The following CSMD1 variants were observed in gnomAD, a reference collection of about 807,000 sequenced individuals.
CSMD1 encodes CUB and sushi domain-containing protein 1.
Under a neutral mutation model 417.5 loss-of-function variants are expected in CSMD1, and 213 were observed. That is an observed-to-expected ratio of 0.51 (90% CI 0.46 to 0.57). The LOEUF is 0.57. CSMD1 is among the 20% of genes least tolerant of loss of function. The pLI is 0.00. For missense variants in CSMD1, 6,923 were observed against 4,529.7 expected (o/e 1.53, Z -15.17); for synonymous variants, 2,862 against 1,736.8 (o/e 1.65, Z -16.11).
intron 10 of CSMD1, among the ~76,000 whole-genome samples, 198 bp downstream of exon 10, chr8:3,574,747 G>A (rs548565101): frequency 1.3e-5 from 2 of 152,340 alleles, no homozygotes; most frequent in East Asian, 1.9e-4. Flanking sequence ...GCACCACAGT[G>A]AGAATACTCA....
At position 3,906,451 on chromosome 8, in the gene CSMD1, G is replaced by A. The variant is rs1214824302; in HGVS notation, c.818+91452C>T. ...TAATGTTTAATGCCTTAGAAATCAT[G>A]ATATGAATTCTGAAAAGACATAATG... On this transcript the variant is annotated intron_variant, in intron 5 of 69. Coordinates refer to ENST00000635120, the MANE Select transcript of CSMD1 (RefSeq NM_033225.6). Among the ~76,000 whole-genome samples the A allele has an allele frequency of 3.3e-5, 5 of 152,168 alleles. No homozygotes were observed. In the South Asian group the frequency reaches 1.0e-3, roughly 32 times the overall value.
At chr8:4,385,635 G>A (rs1803398319) in intron 3 of CSMD1, among the ~76,000 whole-genome samples, 1 of 152,194 alleles carries the variant, frequency 6.6e-6, no homozygotes, top group African/African-American at 2.4e-5. Flanking sequence ...AGTAACAGAT[G>A]CAAAGACAAT....
chr8:4,430,254 A>G (rs4478598), intron 2 of CSMD1, among the ~76,000 whole-genome samples: 116,380 of 151,720 alleles, frequency 0.77, 45,132 homozygotes, highest in Middle Eastern at 0.88. Context: ...CGGAGAAGAA[A>G]TTTTCTAAAA....
intron 3 of CSMD1, among the ~76,000 whole-genome samples, chr8:4,317,997 G>C (rs1435634544): frequency 6.6e-6 from 1 of 152,106 alleles, no homozygotes; most frequent in Non-Finnish European, 1.5e-5. Context: ...TAAATATTTG[G>C]ATATACAATT....
chr8:3,079,703 G>A (rs915866275), intron 49 of CSMD1, among the ~76,000 whole-genome samples: 10 of 152,124 alleles, frequency 6.6e-5, no homozygotes, highest in African/African-American at 2.4e-4. Context: ...TGCCCTCTCT[G>A]TGGGCAAACA....
intron 30 of CSMD1, among the ~76,000 whole-genome samples, chr8:3,212,438 T>C (rs10099386): frequency 0.32 from 49,260 of 152,028 alleles, 8,055 homozygotes; most frequent in African/African-American, 0.36. Context: ...AACCTTCACC[T>C]ACCAGGCTCC....
At chr8:4,108,822 C>G (rs1228671648) in intron 3 of CSMD1, among the ~76,000 whole-genome samples, 1 of 152,196 alleles carries the variant, frequency 6.6e-6, no homozygotes, top group Non-Finnish European at 1.5e-5. Flanking sequence ...ATGGCAAAGA[C>G]CAGCAGAGTT....
chr8:3,422,240 A>C (rs1813541372), intron 12 of CSMD1, among the ~76,000 whole-genome samples: 1 of 152,104 alleles, frequency 6.6e-6, no homozygotes, highest in Non-Finnish European at 1.5e-5. Flanking sequence ...GGCTGGACTC[A>C]CACTTAGCCA....
chr8:4,745,342 T>G (rs1022239399), intron 1 of CSMD1, among the ~76,000 whole-genome samples: 36 of 152,320 alleles, frequency 2.4e-4, no homozygotes, highest in African/African-American at 7.7e-4. Context: ...AAAGAAATGC[T>G]ATACAGTTTA....
At chr8:3,133,574 G>A (rs1237592720) in intron 41 of CSMD1, among the ~76,000 whole-genome samples, 1 of 152,186 alleles carries the variant, frequency 6.6e-6, no homozygotes, top group Non-Finnish European at 1.5e-5. Flanking sequence ...GGAATGAAGG[G>A]GTTCTGAGGA....
intron 2 of CSMD1, among the ~76,000 whole-genome samples, chr8:4,483,486 G>T (rs892520303): frequency 6.6e-6 from 1 of 152,126 alleles, no homozygotes; most frequent in African/African-American, 2.4e-5. Flanking sequence ...AATCGATAAA[G>T]CAATAATGTA....
chr8:3,505,681 T>C (rs1796794245), intron 10 of CSMD1, among the ~76,000 whole-genome samples: 2 of 152,158 alleles, frequency 1.3e-5, no homozygotes, highest in Admixed American at 6.5e-5. Context: ...AACAAAACCG[T>C]AGAGGTACTG....
chr8:3,364,273 T>G (rs13272021), intron 20 of CSMD1, among the ~76,000 whole-genome samples: 2 of 152,158 alleles, frequency 1.3e-5, no homozygotes, highest in Non-Finnish European at 2.9e-5. Flanking sequence ...ATTTGTTTAC[T>G]TTAAAGTCGA....
chr8:4,137,669 G>C (rs890184960), intron 3 of CSMD1, among the ~76,000 whole-genome samples: 1 of 130,926 alleles, frequency 7.6e-6, no homozygotes, highest in Non-Finnish European at 1.8e-5. Flanking sequence ...CATACTGAAA[G>C]TAACTTCTTA....
chr8:4,811,409 T>C (rs77540030), intron 1 of CSMD1, among the ~76,000 whole-genome samples: 3 of 152,270 alleles, frequency 2.0e-5, no homozygotes, highest in East Asian at 3.9e-4. Flanking sequence ...TAATGTATTA[T>C]GTTGAATCAT....
Position 2,938,698 on chromosome 8 carries a change from T to C in CSMD1, c.10582A>G (p.Ser3528Gly), listed in dbSNP as rs766383996. ...TTTTCAAACGATGCTTGTCCATTGC[T>C]GTTTTCATGCCCAGCATAGCCATTG... Reference protein sequence around the residue: ...QYNGYAGHENSNGQASFENPM... With the variant: ...QYNGYAGHENGNGQASFENPM... Residue 3528 changes from serine to glycine, a missense_variant, in exon 70 of 70, where the codon AGC (serine) becomes GGC (glycine). Ser to Gly is a moderately conservative substitution (Grantham distance 56). Transcript: ENST00000635120. 6.2e-7 allele frequency: 1 copy of C among 1,612,022 alleles called. No individual in the cohort carries two copies. The highest frequency in any genetic ancestry group is 8.5e-7 in the Non-Finnish European group (1 of 1,178,956).
chr8:4,098,657 A>T (rs1262164226), intron 3 of CSMD1, among the ~76,000 whole-genome samples: 1 of 152,172 alleles, frequency 6.6e-6, no homozygotes, highest in Non-Finnish European at 1.5e-5. Context: ...GTGGTTTTTA[A>T]TTCTTCACTG....
intron 5 of CSMD1, among the ~76,000 whole-genome samples, chr8:3,838,134 T>C (rs1802826053): frequency 6.6e-6 from 1 of 152,012 alleles, no homozygotes; most frequent in Non-Finnish European, 1.5e-5. Context: ...CAGCCGCAAA[T>C]ATCAGAGTCC....
chr8:4,238,400 C>T (rs1161297636), intron 3 of CSMD1, among the ~76,000 whole-genome samples: 2 of 152,188 alleles, frequency 1.3e-5, no homozygotes, highest in African/African-American at 2.4e-5. Flanking sequence ...CCGCCCTGAG[C>T]ACACATGGTA....
Sources: allele counts gnomAD v4.1 joint callset (sites outside exome capture counted in the v4.1 genomes callset), GRCh38; gene constraint gnomAD v4.1.1; transcripts MANE v1.5; gene names NCBI Gene and HGNC (gene_info 2026-07-23, HGNC 2026-07-21).